Variants in ZNF407 observed in about 807,000 individuals in gnomAD.
ZNF407 encodes the protein zinc finger protein 407.
Under a neutral mutation model 131.2 loss-of-function variants are expected in ZNF407, and 17 were observed. The observed-to-expected ratio is 0.13, with a 90% CI of 0.09 to 0.19. The LOEUF is 0.19. ZNF407 is among the 10% of genes least tolerant of loss of function. The pLI, the probability that ZNF407 is intolerant of heterozygous loss-of-function variation, is 1.00. For synonymous variants in ZNF407, 1,156 were observed against 1,062.0 expected (o/e 1.09, Z -1.72); for missense variants, 2,681 against 2,830.6 (o/e 0.95, Z 1.20).
intron 1 of ZNF407, among the ~76,000 whole-genome samples, chr18:74,629,798 A>G (rs1568319918): frequency 6.6e-6 from 1 of 152,234 alleles, no homozygotes; most frequent in Non-Finnish European, 1.5e-5. Flanking sequence ...CATTCCCATC[A>G]TGGTGTAAAG....
chr18:74,933,061 G>A (rs886948583), intron 8 of ZNF407, among the ~76,000 whole-genome samples: 5 of 152,124 alleles, frequency 3.3e-5, no homozygotes, highest in Non-Finnish European at 7.3e-5. Context: ...CCAAATCATT[G>A]AAGGCAAGGT....
At chr18:74,919,922 T>C (rs17175006) in intron 7 of ZNF407, among the ~76,000 whole-genome samples, 12,118 of 152,254 alleles carry the variant, frequency 0.08, 678 homozygotes, top group Middle Eastern at 0.11. Context: ...GGGCCCTCCG[T>C]TGCATTTTCC....
chr18:74,684,726 A>G (rs1042059967), intron 3 of ZNF407, among the ~76,000 whole-genome samples: 12 of 152,228 alleles, frequency 7.9e-5, no homozygotes, highest in African/African-American at 2.4e-4. Flanking sequence ...AGCTTCTGTG[A>G]ATGGCAAAGG....
chr18:74,688,744 C>G (rs1055293123), intron 3 of ZNF407, among the ~76,000 whole-genome samples: 1 of 152,026 alleles, frequency 6.6e-6, no homozygotes, highest in African/African-American at 2.4e-5. Context: ...TGTGGGTATT[C>G]AGTTATTTTT....
At chr18:74,781,344 T>G (rs1969597230) in intron 3 of ZNF407, 84 bp from the exon 4 acceptor site, 1 of 934,798 alleles carries the variant, frequency 1.1e-6, no homozygotes, top group East Asian at 2.8e-5. Context: ...TTTGCATATA[T>G]ATATTATTCT....
At chr18:74,753,793 G>C (rs903672320) in intron 3 of ZNF407, among the ~76,000 whole-genome samples, 8 of 152,136 alleles carry the variant, frequency 5.3e-5, no homozygotes, top group African/African-American at 1.9e-4. Context: ...ATGTTCATCA[G>C]GGATATTGGT....
rs374492171 is a variant in ZNF407 at position 75,007,034 on chromosome 18, ATTTCAACTT to A, written c.5429-56102_5429-56094del. On this transcript the variant is annotated intron_variant, in intron 8 of 8. Transcript: ENST00000299687. The stretch of plus-strand genomic sequence containing the variant: ...AGTAGTCACATGATGCCTCTTTTTC[ATTTCAACTT>A]TTTCAACTTTTTCTGGAGGTTAAAG... Among the ~76,000 whole-genome samples the A allele has an allele frequency of 4.5e-3, 677 of 151,908 alleles. 5 individuals carry two copies. The highest frequency in any genetic ancestry group is 0.015 in the African/African-American group (633 of 41,410).
chr18:74,620,178 G>A (rs1156452635), intron 1 of ZNF407, among the ~76,000 whole-genome samples: 1 of 152,142 alleles, frequency 6.6e-6, no homozygotes, highest in African/African-American at 2.4e-5. Context: ...TTGATATAAG[G>A]TTGTCATACA....
intron 3 of ZNF407, among the ~76,000 whole-genome samples, chr18:74,671,011 A>G (rs1039160774): frequency 1.3e-5 from 2 of 152,108 alleles, no homozygotes; most frequent in South Asian, 2.1e-4. Context: ...GTACGTTCCC[A>G]TTATTGTGCA....
chr18:74,786,792 T>G (rs11150941), intron 4 of ZNF407, among the ~76,000 whole-genome samples: 83,367 of 109,852 alleles, frequency 0.76, 31,607 homozygotes, highest in East Asian at 0.97. Flanking sequence ...TAAAAAAGTA[T>G]GTTTTTTTTT....
chr18:74,907,567 A>G (rs1971612996), intron 7 of ZNF407, among the ~76,000 whole-genome samples: 1 of 152,078 alleles, frequency 6.6e-6, no homozygotes, highest in Non-Finnish European at 1.5e-5. Flanking sequence ...GTGCTCTCCC[A>G]CCATTCAGCC....
At chr18:74,652,332 AG>A (rs1277563839) in intron 3 of ZNF407, among the ~76,000 whole-genome samples, 3 of 152,118 alleles carry the variant, frequency 2.0e-5, no homozygotes, top group Non-Finnish European at 4.4e-5. Context: ...CTAGAAATAA[AG>A]GGTTTTAATA....
intron 4 of ZNF407, chr18:74,803,833 T>C (rs1970062748): frequency 2.1e-6 from 2 of 932,918 alleles, no homozygotes; most frequent in Non-Finnish European, 3.2e-6. Context: ...TTTTTATCAA[T>C]ATTAATACTT....
intron 8 of ZNF407, chr18:75,062,754 T>C (rs532666362): frequency 5.9e-6 from 1 of 168,436 alleles, no homozygotes; most frequent in Non-Finnish European, 1.3e-5. Flanking sequence ...TAGGAGATAC[T>C]ACTGCTGGCT....
intron 3 of ZNF407, among the ~76,000 whole-genome samples, chr18:74,676,794 C>T (rs1193530879): frequency 6.6e-6 from 1 of 152,186 alleles, no homozygotes; most frequent in Non-Finnish European, 1.5e-5. Context: ...GCCACTGACA[C>T]TCTTGTGAGG....
At chr18:74,871,689 T>A (rs1026545671) in intron 4 of ZNF407, among the ~76,000 whole-genome samples, 8 of 152,196 alleles carry the variant, frequency 5.3e-5, no homozygotes, top group South Asian at 2.1e-4. Context: ...GTGGTTTTTG[T>A]AGATATGAGT....
At chr18:74,740,732 G>T (rs1968529973) in intron 3 of ZNF407, among the ~76,000 whole-genome samples, 1 of 152,080 alleles carries the variant, frequency 6.6e-6, no homozygotes, top group Non-Finnish European at 1.5e-5. Context: ...CCCTTGTATG[G>T]ATACTGCCTC....
intron 4 of ZNF407, among the ~76,000 whole-genome samples, chr18:74,809,000 G>T (rs923686324): frequency 1.3e-5 from 2 of 152,094 alleles, no homozygotes; most frequent in Admixed American, 1.3e-4. Flanking sequence ...AACACAGACC[G>T]AACCGTGGGT....
chr18:74,957,482 A>G (rs1972290136), intron 8 of ZNF407, among the ~76,000 whole-genome samples: 1 of 152,004 alleles, frequency 6.6e-6, no homozygotes, highest in Non-Finnish European at 1.5e-5. Flanking sequence ...GAATTTTGAA[A>G]TTGTTCTAAG....
Sources: gnomAD v4.1 joint callset for allele counts (sites outside exome capture counted in the v4.1 genomes callset) on GRCh38, gnomAD v4.1.1 for gene constraint, MANE v1.5 for transcripts, NCBI Gene and HGNC (gene_info 2026-07-23, HGNC 2026-07-21) for gene names.